Variants in CEMIP2 observed in about 807,000 individuals in gnomAD.
CEMIP2 encodes the protein cell migration inducing hyaluronidase 2.
Under a neutral mutation model 146.9 loss-of-function variants are expected in CEMIP2, and 79 were observed. That is an observed-to-expected ratio of 0.54 (90% CI 0.45 to 0.65). The LOEUF is 0.65. Ranked by LOEUF, CEMIP2 falls within the 30% of genes least tolerant of loss-of-function variation. The pLI is 0.00. For synonymous variants in CEMIP2, 601 were observed against 606.3 expected, an observed-to-expected ratio of 0.99 and a Z score of 0.13; for missense variants, 1,596 against 1,696.2, an observed-to-expected ratio of 0.94 and a Z score of 1.04.
chr9:71,728,281 G>C (rs7030569), intron 10 of CEMIP2, among the ~76,000 whole-genome samples: 2 of 9,248 alleles, frequency 2.2e-4, no homozygotes, highest in South Asian at 4.2e-3. Flanking sequence ...ATATATATAT[G>C]TATATATATA....
intron 16 of CEMIP2, 134 bp from the exon 17 acceptor site, chr9:71,709,608 G>C (rs1438785857): frequency 7.1e-6 from 5 of 706,178 alleles, no homozygotes; most frequent in Non-Finnish European, 1.2e-5. Context: ...GTTCATAGTT[G>C]TCAGCTATGG....
intron 10 of CEMIP2, among the ~76,000 whole-genome samples, chr9:71,728,607 T>C (rs1005459759): frequency 6.6e-6 from 1 of 151,866 alleles, no homozygotes; most frequent in East Asian, 1.9e-4. Context: ...AAAAATATCA[T>C]TTAGTCTCTT....
chr9:71,735,235 A>C (rs1823730914), intron 5 of CEMIP2, among the ~76,000 whole-genome samples: 1 of 152,128 alleles, frequency 6.6e-6, no homozygotes, highest in Non-Finnish European at 1.5e-5. Flanking sequence ...ATGAAGGAAC[A>C]CAAGATGTCA....
Position 71,715,105 on chromosome 9 carries a change from C to T in CEMIP2, c.2436-16G>A. ...GCTTCCATCACTGTTAAAATGCGAA[C>T]AATCATTAGCTACATTTCTCCAGAA... is the stretch of plus-strand genomic sequence containing the variant. On this transcript the variant is annotated splice_polypyrimidine_tract_variant and intron_variant, in intron 14 of 23. Transcript: ENST00000377044. The T allele has an allele frequency of 6.2e-7, 1 of 1,611,020 alleles. No homozygotes were observed. The highest frequency in any genetic ancestry group is 1.1e-5 in the South Asian group (1 of 90,400).
chr9:71,738,713 C>G (rs1174243630), intron 5 of CEMIP2, among the ~76,000 whole-genome samples: 1 of 151,856 alleles, frequency 6.6e-6, no homozygotes, highest in Non-Finnish European at 1.5e-5. Flanking sequence ...TGGTGGGTAC[C>G]TGTAACACCA....
At chr9:71,728,291 A>ATATATATATATATATGTG (rs1823497873) in intron 10 of CEMIP2, among the ~76,000 whole-genome samples, 1 of 17,380 alleles carries the variant, frequency 5.8e-5, no homozygotes, top group African/African-American at 1.1e-4. Context: ...GTATATATAT[A>ATATATATATATATATGTG]TATATATATA....
chr9:71,758,970 C>T (rs139858337), intron 1 of CEMIP2, among the ~76,000 whole-genome samples: 200 of 152,284 alleles, frequency 1.3e-3, no homozygotes, highest in African/African-American at 4.5e-3. Flanking sequence ...TCACCTGCAA[C>T]TGTTTGGCAT....
chr9:71,709,536 T>C, intron 16 of CEMIP2, 62 bp from the exon 17 acceptor site: 1 of 1,378,078 alleles, frequency 7.3e-7, no homozygotes, highest in Non-Finnish European at 1.0e-6. Context: ...CAGCATCCCC[T>C]GCAATGACTC....
In CEMIP2 at chr9:71,690,214, T is replaced by C. The variant is rs1328394853; in HGVS notation, c.3729A>G (p.Ala1243=). 6.2e-7 allele frequency: 1 copy of C among 1,614,116 alleles called. No individual in the cohort carries two copies. Among genetic ancestry groups the C allele is most frequent in the African/African-American group, 1.3e-5 (1 of 75,056 alleles). ...GATCCACAACAAGGAGGAGGACGCC[T>C]GCACTTCGGAAGGTAAAGTCAGTGC... The part of the protein sequence containing the change: ...VNGTDFTFRS[A]GVLLLVVDPC... The change falls in exon 22 of 24, where the codon GCA becomes GCG. Residue 1243 remains alanine, a synonymous_variant. Coordinates refer to ENST00000377044, the MANE Select transcript of CEMIP2 (RefSeq NM_013390.3).
intron 16 of CEMIP2, among the ~76,000 whole-genome samples, chr9:71,710,007 A>T (rs1172367320): frequency 2.0e-5 from 3 of 152,212 alleles, no homozygotes; most frequent in Admixed American, 6.5e-5. Flanking sequence ...CCACCAAAAA[A>T]ATAAACAGAT....
At chr9:71,697,937 C>T in intron 20 of CEMIP2, 48 bp downstream of exon 20, 2 of 1,576,626 alleles carry the variant, frequency 1.3e-6, no homozygotes, top group Non-Finnish European at 1.7e-6. Flanking sequence ...CAAAGAAACC[C>T]TCTGACTTTT....
intron 1 of CEMIP2, among the ~76,000 whole-genome samples, chr9:71,754,263 G>A (rs1824351797): frequency 1.3e-5 from 2 of 152,144 alleles, no homozygotes; most frequent in African/African-American, 4.8e-5. Context: ...TTGTTTGGAA[G>A]GCAAGTGAAA....
At chr9:71,712,030 A>G in intron 16 of CEMIP2, 53 bp downstream of exon 16, 1 of 1,582,568 alleles carries the variant, frequency 6.3e-7, no homozygotes, top group Non-Finnish European at 8.6e-7. Context: ...GGAATGTGCT[A>G]TCCCTCCTTT....
intron 20 of CEMIP2, among the ~76,000 whole-genome samples, 169 bp from the exon 21 acceptor site, chr9:71,694,776 G>A (rs1027224169): frequency 6.6e-6 from 1 of 152,118 alleles, no homozygotes; most frequent in Admixed American, 6.5e-5. Flanking sequence ...AACACAGTAA[G>A]TATATATTTG....
chr9:71,767,701 C>T (rs1182861475), intron 1 of CEMIP2, among the ~76,000 whole-genome samples: 1 of 152,184 alleles, frequency 6.6e-6, no homozygotes, highest in African/African-American at 2.4e-5. Context: ...CAGGATCTCC[C>T]AACTCTGCAG....
intron 10 of CEMIP2, among the ~76,000 whole-genome samples, chr9:71,728,256 T>TATATAC (rs1259348768): frequency 3.3e-5 from 1 of 30,722 alleles, no homozygotes; most frequent in African/African-American, 9.2e-5. Flanking sequence ...TATATGTATA[T>TATATAC]ACACGTATAT....
chr9:71,688,963 G>C (rs1485881903), intron 22 of CEMIP2, among the ~76,000 whole-genome samples: 1 of 152,148 alleles, frequency 6.6e-6, no homozygotes, highest in East Asian at 1.9e-4. Flanking sequence ...GGCAGATCAA[G>C]AAACAGCATT....
In CEMIP2 at chr9:71,704,598, T is replaced by C. The variant is rs1444215795; in HGVS notation, c.3191A>G (p.Asn1064Ser). The C allele has an allele frequency of 1.2e-6, 2 of 1,614,128 alleles. No homozygotes were observed. Among genetic ancestry groups the C allele is most frequent in the Non-Finnish European group, 1.7e-6 (2 of 1,179,980 alleles). The change falls in exon 18 of 24, where the codon AAC becomes AGC. Residue 1064 changes from asparagine (N) to serine (S), a missense_variant. Transcript: ENST00000377044. ...RTTFLYLVNF[N>S]KNDWIRVGLC... ...AATAACAGTAACAGAAACATACTTG[T>C]TGAAGTTGACGAGGTATAGAAATGT... is the stretch of plus-strand genomic sequence containing the variant.
At chr9:71,737,866 T>C (rs1248721616) in intron 5 of CEMIP2, among the ~76,000 whole-genome samples, 1 of 152,166 alleles carries the variant, frequency 6.6e-6, no homozygotes, top group Non-Finnish European at 1.5e-5. Context: ...TTAATAATAG[T>C]AATTCTAACA....
Sources: allele counts gnomAD v4.1 joint callset (sites outside exome capture counted in the v4.1 genomes callset), GRCh38; gene constraint gnomAD v4.1.1; transcripts MANE v1.5; gene names NCBI Gene and HGNC (gene_info 2026-07-23, HGNC 2026-07-21).